Variants in DCUN1D4 observed in about 807,000 individuals in gnomAD.
DCUN1D4 encodes DCN1-like protein 4.
Under a neutral mutation model 47.9 loss-of-function variants are expected in DCUN1D4, and 22 were observed. That is an observed-to-expected ratio of 0.46 (90% CI 0.33 to 0.66). The LOEUF is 0.66. Ranked by LOEUF, DCUN1D4 falls within the 30% of genes least tolerant of loss-of-function variation. DCUN1D4 has a pLI of 0.02. For synonymous variants in DCUN1D4, 121 were observed against 112.2 expected (o/e 1.08, Z -0.50); for missense variants, 301 against 340.8 (o/e 0.88, Z 0.92).
In DCUN1D4 at chr4:51,859,822, C is replaced by CA. The variant is rs1445058397; in HGVS notation, c.26-3614dup. Among the ~76,000 whole-genome samples the CA allele has an allele frequency of 2.0e-5, 3 of 152,220 alleles. No individual in the cohort carries two copies. The East Asian group carries it at 5.8e-4, about 29-fold the overall frequency. ...GAGTTGCCATGTCACACAGGAGAGT[C>CA]AGACTCAGCACTGCTTTACTTTGGA... On this transcript the variant is annotated intron_variant, in intron 1 of 10. Transcript: ENST00000334635.
intron 9 of DCUN1D4, among the ~76,000 whole-genome samples, chr4:51,911,642 C>CT (rs1461292907): frequency 6.6e-6 from 1 of 152,150 alleles, no homozygotes; most frequent in Non-Finnish European, 1.5e-5. Context: ...TTAGATCAAT[C>CT]TAAGTATTAG....
intron 1 of DCUN1D4, among the ~76,000 whole-genome samples, chr4:51,861,323 T>A (rs552109497): frequency 1.3e-5 from 2 of 152,140 alleles, no homozygotes; most frequent in South Asian, 2.1e-4. Flanking sequence ...GTGGGCAGAA[T>A]GTGGGGTTGG....
chr4:51,834,104 T>TTTTTTATTTC, the DCUN1D4 span, among the ~76,000 whole-genome samples: 19 of 115,472 alleles, frequency 1.6e-4, 2 homozygotes, highest in African/African-American at 6.7e-4. Flanking sequence ...TTCTTCTTTC[T>TTTTTTATTTC]TTTTTTTTTC....
At chr4:51,844,477 A>AT in intron 1 of DCUN1D4, 1 of 905,986 alleles carries the variant, frequency 1.1e-6, no homozygotes, top group Non-Finnish European at 1.3e-6. Context: ...CAGCAGCGGG[A>AT]GCCGGAGGGG....
intron 6 of DCUN1D4, among the ~76,000 whole-genome samples, chr4:51,888,470 A>T (rs1729876334): frequency 6.6e-6 from 1 of 152,084 alleles, no homozygotes; most frequent in Admixed American, 6.5e-5. Flanking sequence ...GCCTGGCATG[A>T]TGGCTCACGC....
At chr4:51,839,054 G>A (rs964605391), upstream of DCUN1D4, among the ~76,000 whole-genome samples, 5 of 151,934 alleles carry the variant, frequency 3.3e-5, no homozygotes, top group South Asian at 2.1e-4. Context: ...CAGCCTGGGC[G>A]ACAGAGTGAG....
intron 1 of DCUN1D4, chr4:51,845,008 G>A: frequency 4.1e-6 from 4 of 985,492 alleles, no homozygotes; most frequent in Non-Finnish European, 4.8e-6. Context: ...GCCAGGCGCA[G>A]CCCTCTTCAC....
intron 1 of DCUN1D4, chr4:51,860,513 A>G (rs1724879057): frequency 2.2e-6 from 1 of 448,894 alleles, no homozygotes; most frequent in African/African-American, 2.0e-5. Flanking sequence ...TATAAAAGAA[A>G]AGAGGTTTAA....
chr4:51,837,794 T>G, the DCUN1D4 span, among the ~76,000 whole-genome samples: 1 of 151,348 alleles, frequency 6.6e-6, no homozygotes, highest in Non-Finnish European at 1.5e-5. Flanking sequence ...AACACAGATG[T>G]CAAATATAAT....
intron 1 of DCUN1D4, among the ~76,000 whole-genome samples, chr4:51,855,140 A>T (rs1723935854): frequency 6.6e-6 from 1 of 152,212 alleles, no homozygotes; most frequent in Non-Finnish European, 1.5e-5. Context: ...TAATGTCAGG[A>T]TCATGAAAGA....
At chr4:51,907,968 G>T (rs1018420870) in intron 8 of DCUN1D4, among the ~76,000 whole-genome samples, 2 of 152,166 alleles carry the variant, frequency 1.3e-5, no homozygotes, top group Non-Finnish European at 2.9e-5. Context: ...AAAGGCACTG[G>T]TTTTTTATTT....
At chr4:51,848,208 T>G in intron 1 of DCUN1D4, 1 of 1,289,014 alleles carries the variant, frequency 7.8e-7, no homozygotes, top group Non-Finnish European at 1.0e-6. Flanking sequence ...CATGCAGATA[T>G]CAGTTTTAGA....
At chr4:51,888,421 T>C (rs1327502094) in intron 6 of DCUN1D4, among the ~76,000 whole-genome samples, 3 of 152,192 alleles carry the variant, frequency 2.0e-5, no homozygotes, top group African/African-American at 7.2e-5. Context: ...ATTGTCATTC[T>C]TTTTTGGCAG....
chr4:51,849,369 A>G (rs905791986), intron 1 of DCUN1D4, among the ~76,000 whole-genome samples: 3 of 151,992 alleles, frequency 2.0e-5, no homozygotes, highest in Non-Finnish European at 2.9e-5. Context: ...CCAGGGGGAG[A>G]TTCTGTGAAC....
chr4:51,869,636 G>A (rs1163404716), intron 3 of DCUN1D4, among the ~76,000 whole-genome samples: 2 of 152,092 alleles, frequency 1.3e-5, no homozygotes, highest in African/African-American at 4.8e-5. Flanking sequence ...CACATACTTA[G>A]GCACTATTTG....
intron 1 of DCUN1D4, among the ~76,000 whole-genome samples, chr4:51,847,086 C>G (rs1426205317): frequency 6.6e-6 from 1 of 152,252 alleles, no homozygotes; most frequent in Non-Finnish European, 1.5e-5. Context: ...TGGCATTTAC[C>G]AGCATCTCTT....
At chr4:51,845,822 G>T (rs1461977296) in intron 1 of DCUN1D4, among the ~76,000 whole-genome samples, 2 of 152,142 alleles carry the variant, frequency 1.3e-5, no homozygotes, top group African/African-American at 4.8e-5. Flanking sequence ...TTGTTTGATG[G>T]TTCTTTTCAT....
chr4:51,859,638 CAAAAAAA>C (rs35981680), intron 1 of DCUN1D4, among the ~76,000 whole-genome samples: 6 of 39,494 alleles, frequency 1.5e-4, no homozygotes, highest in African/African-American at 6.5e-4. Flanking sequence ...TTAAAACAAG[CAAAAAAA>C]AAAAAAAAAA....
intron 8 of DCUN1D4, among the ~76,000 whole-genome samples, chr4:51,903,886 C>T (rs754349924): frequency 3.1e-4 from 47 of 152,056 alleles, no homozygotes; most frequent in Non-Finnish European, 6.5e-4. Context: ...TTTTTTTCTG[C>T]TTCGTTGAAT....
Sources: allele counts gnomAD v4.1 joint callset (sites outside exome capture counted in the v4.1 genomes callset), GRCh38; gene constraint gnomAD v4.1.1; transcripts MANE v1.5; gene names NCBI Gene and HGNC (gene_info 2026-07-23, HGNC 2026-07-21).